RAB30: variants seen among roughly 807,000 people sequenced by gnomAD.
The protein encoded by RAB30 is ras-related protein Rab-30.
In RAB30, 9 loss-of-function variants were observed where a neutral mutation model predicts 25.1. That is an observed-to-expected ratio of 0.36 (90% CI 0.22 to 0.63). The LOEUF (loss-of-function observed/expected upper bound fraction) is 0.63, where lower values mean the gene tolerates loss of function less well. RAB30 is among the 20% of genes least tolerant of loss of function. The pLI is 0.69. For missense variants in RAB30, 140 were observed against 243.5 expected, an observed-to-expected ratio of 0.58 and a Z score of 2.83; for synonymous variants, 77 against 86.4, an observed-to-expected ratio of 0.89 and a Z score of 0.60.
At chr11:83,042,374 G>A (rs1020544577) in intron 1 of RAB30, among the ~76,000 whole-genome samples, 3 of 152,008 alleles carry the variant, frequency 2.0e-5, no homozygotes, top group Non-Finnish European at 4.4e-5. Context: ...GCAATACGGT[G>A]AAACCCCATC....
At chr11:83,037,388 T>C (rs564599511) in intron 1 of RAB30, among the ~76,000 whole-genome samples, 1 of 152,072 alleles carries the variant, frequency 6.6e-6, no homozygotes, top group Non-Finnish European at 1.5e-5. Flanking sequence ...TAGCTGGGAT[T>C]ACAGGCGCCC....
intron 1 of RAB30, among the ~76,000 whole-genome samples, chr11:83,014,634 A>AAAAAG (rs1555035113): frequency 1.8e-5 from 2 of 112,616 alleles, no homozygotes; most frequent in African/African-American, 6.9e-5. Flanking sequence ...AGAAGTAAGA[A>AAAAAG]AAAGAAAGAA....
intron 2 of RAB30, among the ~76,000 whole-genome samples, chr11:82,996,146 T>C (rs1008991877): frequency 6.6e-6 from 1 of 152,248 alleles, no homozygotes; most frequent in Middle Eastern, 3.2e-3. Context: ...ATGGGTTCTA[T>C]TCACTTATCA....
At chr11:82,987,299 A>G in intron 4 of RAB30, 1 of 228,170 alleles carries the variant, frequency 4.4e-6, no homozygotes, top group Non-Finnish European at 8.5e-6. Context: ...TTCATCTTGT[A>G]ATTAGACTTT....
chr11:83,046,171 G>A (rs1565288307), intron 1 of RAB30, among the ~76,000 whole-genome samples: 1 of 152,192 alleles, frequency 6.6e-6, no homozygotes, highest in Non-Finnish European at 1.5e-5. Flanking sequence ...AGGCTTTGTT[G>A]TACCAAATTG....
At chr11:83,026,943 C>A (rs1303718097) in intron 1 of RAB30, among the ~76,000 whole-genome samples, 1 of 151,982 alleles carries the variant, frequency 6.6e-6, no homozygotes, top group Non-Finnish European at 1.5e-5. Flanking sequence ...TGATTTAAAC[C>A]ACAGAATCCT....
intron 1 of RAB30, among the ~76,000 whole-genome samples, chr11:83,060,936 T>A (rs189721149): frequency 6.6e-6 from 1 of 152,288 alleles, no homozygotes; most frequent in Admixed American, 6.5e-5. Context: ...CTGCTGGAGC[T>A]GAAATACACT....
chr11:83,063,105 G>A (rs1590882694), intron 1 of RAB30, among the ~76,000 whole-genome samples: 1 of 152,038 alleles, frequency 6.6e-6, no homozygotes, highest in East Asian at 1.9e-4. Context: ...ATAATTCATG[G>A]CTGCGATCCT....
intron 1 of RAB30, among the ~76,000 whole-genome samples, chr11:83,019,398 G>A (rs1565278983): frequency 6.6e-6 from 1 of 152,192 alleles, no homozygotes; most frequent in East Asian, 1.9e-4. Context: ...TTAAGGTACA[G>A]GTCATTTTGT....
At chr11:83,068,870 C>A (rs922931267) in intron 1 of RAB30, among the ~76,000 whole-genome samples, 2 of 152,186 alleles carry the variant, frequency 1.3e-5, no homozygotes, top group Non-Finnish European at 2.9e-5. Flanking sequence ...GCACTCCTAC[C>A]CAACCCTTTT....
At chr11:83,049,453 G>T (rs563596380) in intron 1 of RAB30, among the ~76,000 whole-genome samples, 3 of 139,996 alleles carry the variant, frequency 2.1e-5, no homozygotes, top group East Asian at 2.4e-4. Context: ...TTTTTCTGGG[G>T]GGCAGAGGCG....
intron 1 of RAB30, among the ~76,000 whole-genome samples, chr11:83,061,710 CTTTTTTTTTT>C (rs569263010): frequency 1.8e-4 from 14 of 79,908 alleles, no homozygotes; most frequent in Non-Finnish European, 2.8e-4. Context: ...TCTTTCTTTT[CTTTTTTTTTT>C]TTTTTTTTTT....
intron 1 of RAB30, among the ~76,000 whole-genome samples, chr11:83,001,532 G>A (rs1356602489): frequency 6.6e-6 from 1 of 152,120 alleles, no homozygotes; most frequent in Non-Finnish European, 1.5e-5. Context: ...TAATAATGCA[G>A]GCTGTCTATG....
chr11:83,034,732 A>C (rs2121514212), intron 1 of RAB30: 1 of 152,304 alleles, frequency 6.6e-6, no homozygotes, highest in Non-Finnish European at 1.5e-5. Context: ...CTTACTATGT[A>C]TCAGGTGCTC....
intron 1 of RAB30, among the ~76,000 whole-genome samples, chr11:83,033,055 C>CCTTTTTTTTTTTTTTTTTTTTTT (rs1565284142): frequency 1.3e-5 from 1 of 77,864 alleles, no homozygotes; most frequent in Non-Finnish European, 2.5e-5. Flanking sequence ...GCCTCAAATT[C>CCTTTTTTTTTTTTTTTTTTTTTT]TTTTTTTTTT....
intron 1 of RAB30, among the ~76,000 whole-genome samples, chr11:83,043,963 T>C (rs1001183201): frequency 2.6e-5 from 4 of 152,132 alleles, no homozygotes; most frequent in African/African-American, 9.7e-5. Flanking sequence ...TATAGTTAAA[T>C]GAAAGACTCA....
intron 1 of RAB30, among the ~76,000 whole-genome samples, chr11:83,061,723 T>TC: frequency 6.9e-6 from 1 of 145,776 alleles, no homozygotes; most frequent in East Asian, 2.0e-4. Flanking sequence ...TTTTTTTTTT[T>TC]TTTTTTTTTT....
chr11:83,054,239 G>A (rs1197922849), intron 1 of RAB30, among the ~76,000 whole-genome samples: 1 of 152,142 alleles, frequency 6.6e-6, no homozygotes, highest in East Asian at 1.9e-4. Flanking sequence ...CTATGCTCCA[G>A]TAGTTATCTC....
At chr11:83,062,103 G>A (rs1858596519) in intron 1 of RAB30, among the ~76,000 whole-genome samples, 1 of 152,072 alleles carries the variant, frequency 6.6e-6, no homozygotes, top group South Asian at 2.1e-4. Context: ...GGCAAGAACA[G>A]GAAGCAGCTA....
Sources: gnomAD v4.1 joint callset for allele counts (sites outside exome capture counted in the v4.1 genomes callset) on GRCh38, gnomAD v4.1.1 for gene constraint, MANE v1.5 for transcripts, NCBI Gene and HGNC (gene_info 2026-07-23, HGNC 2026-07-21) for gene names.